The following ZNF521 variants were observed in gnomAD, a reference collection of about 807,000 sequenced individuals.
ZNF521 encodes the protein zinc finger protein 521, also known as LYST-interacting protein 3.
Under a neutral mutation model 105.5 loss-of-function variants are expected in ZNF521, and 14 were observed. That is an observed-to-expected ratio of 0.13 (90% CI 0.09 to 0.21). The LOEUF (loss-of-function observed/expected upper bound fraction) is 0.21, where lower values mean the gene tolerates loss of function less well. Ranked by LOEUF, ZNF521 falls within the 10% of genes least tolerant of loss-of-function variation. The pLI is 1.00. For synonymous variants in ZNF521, 635 were observed against 606.0 expected (o/e 1.05, Z -0.70); for missense variants, 1,233 against 1,629.7 (o/e 0.76, Z 4.19).
At position 25,206,528 on chromosome 18, in the gene ZNF521, G is replaced by A. The variant is rs146931479; in HGVS notation, c.3574-11284C>T. Among the ~76,000 whole-genome samples the A allele has an allele frequency of 1.6e-3, 243 of 151,966 alleles. 1 individual carries two copies. The highest frequency in any genetic ancestry group is 5.6e-3 in the African/African-American group (234 of 41,446). The stretch of plus-strand genomic sequence containing the variant: ...CAAAGAAATACCTCGTGTTCTGGTA[G>A]TTTTTGTGTCTTACCTACAAAATGT... On this transcript the variant is annotated intron_variant, in intron 4 of 7. Coordinates refer to ENST00000361524, the MANE Select transcript of ZNF521 (RefSeq NM_015461.3).
intron 5 of ZNF521, among the ~76,000 whole-genome samples, chr18:25,160,863 G>A (rs1367825547): frequency 6.6e-6 from 1 of 152,102 alleles, no homozygotes; most frequent in Non-Finnish European, 1.5e-5. Flanking sequence ...TGCTAGAGTA[G>A]ATAATTCCAA....
At chr18:25,333,898 G>T (rs527942185) in intron 2 of ZNF521, among the ~76,000 whole-genome samples, 1 of 152,278 alleles carries the variant, frequency 6.6e-6, no homozygotes, top group African/African-American at 2.4e-5. Context: ...TATAGTCTTT[G>T]CAGGCACAAC....
At position 25,226,329 on chromosome 18, in the gene ZNF521, T is replaced by C. The variant is rs1471109726; in HGVS notation, c.1589A>G (p.Glu530Gly). 3 of 1,614,016 alleles carry C rather than the reference T, an allele frequency of 1.9e-6. No individual in the cohort carries two copies. Among genetic ancestry groups the C allele is most frequent in the Middle Eastern group, 1.6e-4 (1 of 6,084 alleles). ...GTCACAATGAACCTGTCTAATATGC[T>C]CTTCCAGGGAAGAGTCAGTGAGAAA... ...MGFLTDSSLE[E>G]HIRQVHCDLS... Residue 530 changes from glutamate to glycine, a missense_variant, in exon 4 of 8, where the codon GAG becomes GGG. Physicochemically the swap from Glu to Gly is moderately conservative, Grantham distance 98. This residue lies in a region of ZNF521 where 380 missense variants were observed against 478.0 expected (regional missense o/e 0.80). Coordinates refer to ENST00000361524, the MANE Select transcript of ZNF521 (RefSeq NM_015461.3). The surrounding 1 kb of genome is among the most constrained non-coding windows in gnomAD (Gnocchi z 4.1).
At chr18:25,130,327 G>C (rs968103629) in intron 5 of ZNF521, among the ~76,000 whole-genome samples, 2 of 152,166 alleles carry the variant, frequency 1.3e-5, no homozygotes, top group African/African-American at 4.8e-5. Context: ...GTAGTTACTA[G>C]GGCTTCAGGG....
In ZNF521 at chr18:25,329,582, C is replaced by T. The variant is rs539695065; in HGVS notation, c.41-7395G>A. On this transcript the variant is annotated intron_variant, in intron 2 of 7. Coordinates refer to ENST00000361524, the MANE Select transcript of ZNF521 (RefSeq NM_015461.3). ...GATGACTTCAAAGAAATGCAAGTAC[C>T]TGTGTTGCTATTCAAAATGGGGGCG... Among the ~76,000 whole-genome samples, 3 of 152,244 alleles carry T rather than the reference C, an allele frequency of 2.0e-5. No individual in the cohort carries two copies. In the South Asian group the frequency reaches 6.2e-4, roughly 32 times the overall value.
chr18:25,084,233 TACTC>T (rs2033571577), intron 7 of ZNF521, among the ~76,000 whole-genome samples: 2 of 151,400 alleles, frequency 1.3e-5, no homozygotes, highest in African/African-American at 4.8e-5. Flanking sequence ...TTTTGTGTTA[TACTC>T]ACTGAGAAGC....
At chr18:25,214,969 C>T (rs916507392) in intron 4 of ZNF521, among the ~76,000 whole-genome samples, 3 of 151,938 alleles carry the variant, frequency 2.0e-5, no homozygotes, top group African/African-American at 7.3e-5. Context: ...AGGCGAAAGA[C>T]GAAACACTAA....
chr18:25,268,680 ATCT>A (rs1233726157), intron 3 of ZNF521, among the ~76,000 whole-genome samples: 1 of 152,202 alleles, frequency 6.6e-6, no homozygotes, highest in Non-Finnish European at 1.5e-5. Context: ...AGCCAAACTA[ATCT>A]TCTTAAGTGA....
intron 5 of ZNF521, among the ~76,000 whole-genome samples, chr18:25,095,392 C>T (rs1288595515): frequency 6.6e-6 from 1 of 152,104 alleles, no homozygotes; most frequent in Non-Finnish European, 1.5e-5. Context: ...CAGCCTGACT[C>T]ATTTATTAAA....
intron 7 of ZNF521, among the ~76,000 whole-genome samples, chr18:25,064,312 A>G (rs79467175): frequency 4.3e-5 from 1 of 23,456 alleles, no homozygotes; most frequent in Non-Finnish European, 8.1e-5. Flanking sequence ...GCCATTGGGG[A>G]ATGGTTCCAA....
At chr18:25,260,226 C>A (rs1229271147) in intron 3 of ZNF521, among the ~76,000 whole-genome samples, 1 of 151,146 alleles carries the variant, frequency 6.6e-6, no homozygotes, top group Non-Finnish European at 1.5e-5. Flanking sequence ...ATGTCTCATA[C>A]AAAAAAAAGA....
chr18:25,206,550 A>G (rs1027109257), intron 4 of ZNF521, among the ~76,000 whole-genome samples: 14 of 152,034 alleles, frequency 9.2e-5, no homozygotes, highest in Admixed American at 9.2e-4. Context: ...TACCTACAAA[A>G]TGTGGTTTGT....
At chr18:25,157,824 C>T (rs1220026584) in intron 5 of ZNF521, among the ~76,000 whole-genome samples, 1 of 151,848 alleles carries the variant, frequency 6.6e-6, no homozygotes, top group Non-Finnish European at 1.5e-5. Context: ...TGTGTTGGCT[C>T]ACTGCAAGCT....
intron 5 of ZNF521, among the ~76,000 whole-genome samples, chr18:25,163,022 T>C (rs1390440467): frequency 6.6e-6 from 1 of 152,180 alleles, no homozygotes; most frequent in Non-Finnish European, 1.5e-5. Context: ...CATCTGTATT[T>C]TGCTCTTTCA....
At chr18:25,197,393 A>T (rs1048393990) in intron 4 of ZNF521, among the ~76,000 whole-genome samples, 1 of 151,848 alleles carries the variant, frequency 6.6e-6, no homozygotes, top group African/African-American at 2.4e-5. Flanking sequence ...GCAAATTGGG[A>T]TGTGTTAAGG....
chr18:25,115,188 G>A (rs772177881), intron 5 of ZNF521, among the ~76,000 whole-genome samples: 26 of 152,192 alleles, frequency 1.7e-4, no homozygotes, highest in Non-Finnish European at 3.5e-4. Context: ...TCTGCAGAGA[G>A]TGAAGCTTAA....
At chr18:25,242,334 G>A (rs1343811532) in intron 3 of ZNF521, among the ~76,000 whole-genome samples, 2 of 152,042 alleles carry the variant, frequency 1.3e-5, no homozygotes, top group Non-Finnish European at 2.9e-5. Context: ...AGCCACACAA[G>A]AGGAAATTTT....
intron 2 of ZNF521, among the ~76,000 whole-genome samples, 176 bp downstream of exon 2, chr18:25,350,731 C>G (rs1337069362): frequency 6.6e-6 from 1 of 151,734 alleles, no homozygotes; most frequent in Non-Finnish European, 1.5e-5. Flanking sequence ...TCCCCCCACC[C>G]CGACACCTCA....
intron 5 of ZNF521, among the ~76,000 whole-genome samples, chr18:25,146,143 C>T (rs1186667446): frequency 6.6e-6 from 1 of 152,134 alleles, no homozygotes; most frequent in Non-Finnish European, 1.5e-5. Flanking sequence ...TGCCCCATGT[C>T]ACACAGCTAG....
Sources: gnomAD v4.1 joint callset for allele counts (sites outside exome capture counted in the v4.1 genomes callset) on GRCh38, gnomAD v4.1.1 for gene constraint, gnomAD v4.1.1 regional missense constraint, Gnocchi (gnomAD v3.1) non-coding constraint, MANE v1.5 for transcripts, NCBI Gene and HGNC (gene_info 2026-07-23, HGNC 2026-07-21) for gene names.